The following OSBP2 variants were observed in gnomAD, a reference collection of about 807,000 sequenced individuals.
The protein encoded by OSBP2 is oxysterol-binding protein 2.
In OSBP2, 66 loss-of-function variants were observed where a neutral mutation model predicts 96.0. That is an observed-to-expected ratio of 0.69 (90% CI 0.56 to 0.84). OSBP2 has a LOEUF of 0.84. OSBP2 is among the 40% of genes least tolerant of loss of function. OSBP2 has a pLI of 0.00. For missense variants in OSBP2, 1,038 were observed against 1,222.7 expected (o/e 0.85, Z 2.25); for synonymous variants, 525 against 520.9 (o/e 1.01, Z -0.11).
In OSBP2 at chr22:30,699,984, A is replaced by G. The variant is rs368054981; in HGVS notation, c.644+4431A>G. On this transcript the variant is annotated intron_variant, in intron 1 of 13. Coordinates refer to ENST00000332585, the MANE Select transcript of OSBP2 (RefSeq NM_030758.4). ...TTTTTTTCTTTTTTTTTTTTTTGAGATGGAGTCTCGTTCTGTCACCCAGGC... is the reference window on the plus strand; with the variant it reads ...TTTTTTTCTTTTTTTTTTTTTTGAGGTGGAGTCTCGTTCTGTCACCCAGGC... Among the ~76,000 whole-genome samples, 428 of 146,220 alleles carry G rather than the reference A, an allele frequency of 2.9e-3. 4 individuals carry two copies. Among genetic ancestry groups the G allele is most frequent in the African/African-American group, 0.01 (412 of 39,642 alleles).
At chr22:30,775,925 T>C (rs952854676) in intron 2 of OSBP2, among the ~76,000 whole-genome samples, 1 of 151,512 alleles carries the variant, frequency 6.6e-6, no homozygotes, top group South Asian at 2.1e-4. Flanking sequence ...GCCTCCCGAG[T>C]AGTGGGACTA....
chr22:30,707,560 C>CA (rs938254880), intron 1 of OSBP2, among the ~76,000 whole-genome samples: 148 of 150,402 alleles, frequency 9.8e-4, no homozygotes, highest in African/African-American at 3.4e-3. Flanking sequence ...TAAAAATACA[C>CA]AAAAAAAATT....
chr22:30,784,551 GC>G (rs2090561911), intron 2 of OSBP2, among the ~76,000 whole-genome samples: 1 of 151,852 alleles, frequency 6.6e-6, no homozygotes. Context: ...GAGTCACCGT[GC>G]CCAGTTGACA....
At chr22:30,807,688 C>T (rs777142649) in intron 2 of OSBP2, among the ~76,000 whole-genome samples, 8 of 152,194 alleles carry the variant, frequency 5.3e-5, no homozygotes, top group Non-Finnish European at 1.2e-4. Context: ...GCTGCCTCCT[C>T]CAAGCCACCT....
chr22:30,835,239 AT>A (rs1474168500), intron 2 of OSBP2, among the ~76,000 whole-genome samples: 1 of 151,944 alleles, frequency 6.6e-6, no homozygotes, highest in Non-Finnish European at 1.5e-5. Context: ...ATTCAAGAAG[AT>A]TTACTTCTGT....
At chr22:30,745,352 G>A (rs193067961) in intron 2 of OSBP2, among the ~76,000 whole-genome samples, 34 of 152,264 alleles carry the variant, frequency 2.2e-4, no homozygotes, top group African/African-American at 8.2e-4. Context: ...CTAGCAGAGG[G>A]AAGGAAACAA....
At chr22:30,868,793 C>T (rs2039400146) in intron 2 of OSBP2, among the ~76,000 whole-genome samples, 1 of 152,218 alleles carries the variant, frequency 6.6e-6, no homozygotes, top group African/African-American at 2.4e-5. Flanking sequence ...GCTGGCCTGA[C>T]CCTGCCATGG....
At chr22:30,782,539 G>A (rs2090531499) in intron 2 of OSBP2, among the ~76,000 whole-genome samples, 1 of 152,106 alleles carries the variant, frequency 6.6e-6, no homozygotes, top group African/African-American at 2.4e-5. Context: ...TACTCTAGTT[G>A]GCTTTTGTCA....
chr22:30,741,388 A>C lies in OSBP2; in HGVS notation c.853+19A>C. On this transcript the variant is annotated intron_variant, in intron 2 of 13. Transcript: ENST00000332585. ...CATTCAGGTAGTGAGCACTTGGGAC[A>C]GCGGGTGTGTATATGGTGGTGTCAT... 1 of 1,586,730 alleles carries C rather than the reference A, an allele frequency of 6.3e-7. No homozygotes were observed. The highest frequency in any genetic ancestry group is 1.1e-5 in the South Asian group (1 of 89,472).
chr22:30,814,399 G>A (rs535736944), intron 2 of OSBP2, among the ~76,000 whole-genome samples: 5 of 148,312 alleles, frequency 3.4e-5, no homozygotes, highest in African/African-American at 5.0e-5. Context: ...GACACCAGTC[G>A]TATGGATTAG....
At chr22:30,875,339 C>T (rs2039555626) in intron 3 of OSBP2, among the ~76,000 whole-genome samples, 1 of 152,026 alleles carries the variant, frequency 6.6e-6, no homozygotes, top group South Asian at 2.1e-4. Context: ...CCTCCCTCTG[C>T]CTTGTGGCAT....
intron 12 of OSBP2, among the ~76,000 whole-genome samples, chr22:30,905,134 CTTTTT>C (rs566334052): frequency 8.7e-5 from 6 of 68,732 alleles, no homozygotes; most frequent in East Asian, 4.0e-4. Context: ...CGAGACCCGT[CTTTTT>C]TTTTTTTTTT....
chr22:30,778,134 A>G (rs2090459910), intron 2 of OSBP2, among the ~76,000 whole-genome samples: 1 of 141,376 alleles, frequency 7.1e-6, no homozygotes, highest in African/African-American at 2.6e-5. Context: ...AGCTGGGACC[A>G]CAGGCATGCA....
At chr22:30,829,832 G>C (rs1158853127) in intron 2 of OSBP2, among the ~76,000 whole-genome samples, 1 of 152,194 alleles carries the variant, frequency 6.6e-6, no homozygotes, top group Non-Finnish European at 1.5e-5. Flanking sequence ...AATAATATTT[G>C]ACTGGTCCTG....
chr22:30,697,323 G>A (rs1194548378), intron 1 of OSBP2, among the ~76,000 whole-genome samples: 1 of 152,056 alleles, frequency 6.6e-6, no homozygotes, highest in African/African-American at 2.4e-5. Context: ...TCTGTCACCA[G>A]GCTGGAGGGC....
At chr22:30,899,184 C>A (rs2040134400) in intron 12 of OSBP2, among the ~76,000 whole-genome samples, 1 of 151,732 alleles carries the variant, frequency 6.6e-6, no homozygotes, top group African/African-American at 2.4e-5. Flanking sequence ...AGTTCAAGAC[C>A]AACCTGGGCA....
At chr22:30,715,339 G>T (rs2089431553) in intron 1 of OSBP2, among the ~76,000 whole-genome samples, 1 of 150,696 alleles carries the variant, frequency 6.6e-6, no homozygotes, top group Non-Finnish European at 1.5e-5. Flanking sequence ...GCATTTCTGT[G>T]ATGATAAGTG....
chr22:30,782,062 C>T (rs565617359), intron 2 of OSBP2, among the ~76,000 whole-genome samples: 44 of 152,202 alleles, frequency 2.9e-4, no homozygotes, highest in Non-Finnish European at 5.4e-4. Flanking sequence ...AGGAGAATCT[C>T]TTGAACCCAG....
chr22:30,882,674 CAG>C (rs1297922703), intron 3 of OSBP2, among the ~76,000 whole-genome samples: 1 of 152,156 alleles, frequency 6.6e-6, no homozygotes, highest in Non-Finnish European at 1.5e-5. Context: ...GGGCCACACT[CAG>C]GGCCCTGGGA....
Sources: allele counts gnomAD v4.1 joint callset (sites outside exome capture counted in the v4.1 genomes callset), GRCh38; gene constraint gnomAD v4.1.1; transcripts MANE v1.5; gene names NCBI Gene and HGNC (gene_info 2026-07-23, HGNC 2026-07-21).